LHFPL3: variants seen among roughly 807,000 people sequenced by gnomAD.
LHFPL3 encodes LHFPL tetraspan subfamily member 3.
LHFPL3 carries 5 observed loss-of-function variants against 19.3 expected under a neutral mutation model. The observed-to-expected ratio is 0.26, with a 90% CI of 0.14 to 0.54. LHFPL3 has a LOEUF of 0.54. Ranked by LOEUF, LHFPL3 falls within the 20% of genes least tolerant of loss-of-function variation. The pLI is 0.94. For synonymous variants in LHFPL3, 133 were observed against 126.2 expected, an observed-to-expected ratio of 1.05 and a Z score of -0.36; for missense variants, 249 against 307.4, an observed-to-expected ratio of 0.81 and a Z score of 1.42.
chr7:104,779,385 T>C (rs73713439), intron 2 of LHFPL3, among the ~76,000 whole-genome samples: 51,054 of 152,138 alleles, frequency 0.34, 9,183 homozygotes, highest in African/African-American at 0.43. Context: ...TTTGTATGTT[T>C]CATAACCAAA....
At chr7:104,453,543 C>T (rs1005536199) in intron 1 of LHFPL3, among the ~76,000 whole-genome samples, 1 of 152,148 alleles carries the variant, frequency 6.6e-6, no homozygotes, top group African/African-American at 2.4e-5. Flanking sequence ...CTTACAATAG[C>T]AACTTTTCTA....
chr7:104,652,588 G>T (rs78283275), intron 1 of LHFPL3, among the ~76,000 whole-genome samples: 1 of 152,068 alleles, frequency 6.6e-6, no homozygotes, highest in Non-Finnish European at 1.5e-5. Context: ...GAAGGCCTGG[G>T]AACATAAGCA....
chr7:104,392,037 T>C (rs1467499194), intron 1 of LHFPL3, among the ~76,000 whole-genome samples: 1 of 152,238 alleles, frequency 6.6e-6, no homozygotes, highest in Admixed American at 6.5e-5. Context: ...ATTGATTTTG[T>C]ATCCTGAGGC....
At chr7:104,681,154 C>CTTTTTTTT (rs35342944) in intron 1 of LHFPL3, among the ~76,000 whole-genome samples, 18 of 132,624 alleles carry the variant, frequency 1.4e-4, no homozygotes, top group East Asian at 2.1e-4. Context: ...TTCTTTTCTT[C>CTTTTTTTT]TTTTTTTTTT....
chr7:104,493,469 G>A (rs1020444032), intron 1 of LHFPL3, among the ~76,000 whole-genome samples: 66 of 151,870 alleles, frequency 4.3e-4, no homozygotes, highest in Non-Finnish European at 2.9e-5. Context: ...TACAGCGCAT[G>A]TATCTCAAGA....
intron 1 of LHFPL3, among the ~76,000 whole-genome samples, chr7:104,470,682 C>T (rs534715413): frequency 6.6e-6 from 1 of 152,302 alleles, no homozygotes; most frequent in South Asian, 2.1e-4. Flanking sequence ...CCAGGTCACA[C>T]AGGTAGTAAG....
At chr7:104,891,470 C>G (rs1792245173) in intron 2 of LHFPL3, among the ~76,000 whole-genome samples, 1 of 152,138 alleles carries the variant, frequency 6.6e-6, no homozygotes, top group Non-Finnish European at 1.5e-5. Flanking sequence ...GTGACAACAG[C>G]ATTAATCCAT....
At chr7:104,522,095 T>G (rs1584377997) in intron 1 of LHFPL3, among the ~76,000 whole-genome samples, 1 of 152,206 alleles carries the variant, frequency 6.6e-6, no homozygotes, top group South Asian at 2.1e-4. Flanking sequence ...CACGTATGTT[T>G]ACTGAGGCAT....
intron 1 of LHFPL3, chr7:104,667,943 G>A (rs1465913144): frequency 9.9e-6 from 16 of 1,613,316 alleles, no homozygotes; most frequent in African/African-American, 2.7e-5. Flanking sequence ...TGTACAGGGC[G>A]CCTCCAATTG....
Position 104,824,667 on chromosome 7 carries a change from A to G in LHFPL3, c.683-81520A>G, listed in dbSNP as rs1355192505. Among the ~76,000 whole-genome samples the G allele has an allele frequency of 2.2e-4, 20 of 89,212 alleles. No homozygotes were observed. In the East Asian group the frequency reaches 5.4e-3, roughly 24 times the overall value. The allele number at this position is 89,212 out of a possible 152,430, so 58.5% of individuals were successfully genotyped here. On this transcript the variant is annotated intron_variant, in intron 2 of 2. Coordinates refer to ENST00000424859, the MANE Select transcript of LHFPL3 (RefSeq NM_199000.3). ...ATATTATATATAATTATATATTTAT[A>G]TATTTGGCATTATATATAATATATA...
chr7:104,711,666 C>T (rs761066263), intron 1 of LHFPL3, among the ~76,000 whole-genome samples: 3 of 152,126 alleles, frequency 2.0e-5, no homozygotes, highest in Non-Finnish European at 4.4e-5. Flanking sequence ...AATATCAGGA[C>T]TGCCAACAAG....
intron 1 of LHFPL3, among the ~76,000 whole-genome samples, chr7:104,403,628 T>A (rs553671574): frequency 2.0e-5 from 3 of 152,248 alleles, no homozygotes; most frequent in Admixed American, 1.3e-4. Flanking sequence ...AAAAATATCT[T>A]TGGAGGAAAA....
chr7:104,658,374 T>G (rs1417251483), intron 1 of LHFPL3, among the ~76,000 whole-genome samples: 2 of 152,202 alleles, frequency 1.3e-5, no homozygotes, highest in African/African-American at 4.8e-5. Context: ...CCAGTCCAAC[T>G]TTGAAAACAT....
intron 1 of LHFPL3, among the ~76,000 whole-genome samples, chr7:104,594,503 CAAT>C (rs1206249104): frequency 2.6e-5 from 4 of 152,238 alleles, no homozygotes; most frequent in African/African-American, 9.6e-5. Flanking sequence ...GTGAATCTGA[CAAT>C]GATGTGTCTT....
chr7:104,364,963 G>C (rs995134700), intron 1 of LHFPL3, among the ~76,000 whole-genome samples: 1 of 152,260 alleles, frequency 6.6e-6, no homozygotes, highest in East Asian at 1.9e-4. Context: ...AGATACTGAG[G>C]GTGCAGGAGA....
At chr7:104,694,128 T>G (rs1438582060) in intron 1 of LHFPL3, among the ~76,000 whole-genome samples, 1 of 152,206 alleles carries the variant, frequency 6.6e-6, no homozygotes, top group Non-Finnish European at 1.5e-5. Context: ...AGAAAAGGTG[T>G]TCTAGAATTT....
chr7:104,583,678 A>G (rs933973351), intron 1 of LHFPL3, among the ~76,000 whole-genome samples: 17 of 152,234 alleles, frequency 1.1e-4, no homozygotes, highest in Non-Finnish European at 2.9e-5. Context: ...AGAAGAAGAC[A>G]TTTATACAGC....
intron 2 of LHFPL3, among the ~76,000 whole-genome samples, chr7:104,750,889 A>G (rs1794153204): frequency 6.6e-6 from 1 of 151,768 alleles, no homozygotes; most frequent in South Asian, 2.1e-4. Flanking sequence ...TCAAATTTAG[A>G]ACGACATTGA....
intron 1 of LHFPL3, among the ~76,000 whole-genome samples, chr7:104,422,315 T>G (rs1390921524): frequency 6.6e-6 from 1 of 152,094 alleles, no homozygotes; most frequent in African/African-American, 2.4e-5. Context: ...GAGCCGAGAT[T>G]GTGCCACTGC....
Sources: allele counts gnomAD v4.1 joint callset (sites outside exome capture counted in the v4.1 genomes callset), GRCh38; gene constraint gnomAD v4.1.1; transcripts MANE v1.5; gene names NCBI Gene and HGNC (gene_info 2026-07-23, HGNC 2026-07-21).